Variants in TLN2 observed in about 807,000 individuals in gnomAD.
TLN2 encodes talin-2.
TLN2 carries 118 observed loss-of-function variants against 294.7 expected under a neutral mutation model. That is an observed-to-expected ratio of 0.40 (90% CI 0.34 to 0.47). The LOEUF (loss-of-function observed/expected upper bound fraction) is 0.47. Ranked by LOEUF, TLN2 falls within the 20% of genes least tolerant of loss-of-function variation. TLN2 has a pLI of 0.84. For missense variants in TLN2, 3,083 were observed against 3,282.2 expected (o/e 0.94, Z 1.48); for synonymous variants, 1,431 against 1,304.5 (o/e 1.10, Z -2.09).
In TLN2 at chr15:62,809,977, G is replaced by A. The variant is rs75413920; in HGVS notation, c.6716G>A (p.Arg2239His). The change falls in exon 52 of 59, where the codon CGT (arginine) becomes CAT (histidine). Residue 2239 changes from arginine to histidine, a missense_variant. By Grantham distance (29) the Arg-to-His change is conservative. Transcript: ENST00000636159. ...GACGAGGTGAGAACCAGAGCCTTGC[G>A]TTTCGGGACGGAGTGCACCCTTGGC... ...VSDEVRTRALRFGTECTLGYL... is the reference protein window; with the variant it reads ...VSDEVRTRALHFGTECTLGYL... 0.012 allele frequency: 18,621 copies of A among 1,614,056 alleles called. 141 individuals carry two copies. Among genetic ancestry groups the A allele is most frequent in the Non-Finnish European group, 0.013 (15,512 of 1,180,022 alleles).
At chr15:62,500,107 C>T (rs550412737) in intron 1 of TLN2, among the ~76,000 whole-genome samples, 34 of 151,964 alleles carry the variant, frequency 2.2e-4, no homozygotes, top group African/African-American at 7.0e-4. Flanking sequence ...GAGGCCAAGG[C>T]GGGCAGATCA....
At chr15:62,761,538 G>A in intron 37 of TLN2, 143 bp from the exon 38 acceptor site, 1 of 1,153,458 alleles carries the variant, frequency 8.7e-7, no homozygotes, top group East Asian at 2.4e-5. Flanking sequence ...TCTTTCATCA[G>A]TTCCTATTTA....
chr15:62,722,542 TG>T, intron 26 of TLN2, 55 bp downstream of exon 26: 1 of 1,565,874 alleles, frequency 6.4e-7, no homozygotes. Flanking sequence ...TGGGGTGGCA[TG>T]GGTACCACCC....
intron 15 of TLN2, 94 bp downstream of exon 15, chr15:62,697,962 C>A (rs1433605656): frequency 4.9e-6 from 7 of 1,442,760 alleles, no homozygotes; most frequent in Non-Finnish European, 6.5e-6. Flanking sequence ...AGTGTTGGAA[C>A]GCTCTCTATT....
At chr15:62,409,738 T>C (rs17271695) in intron 1 of TLN2, among the ~76,000 whole-genome samples, 15,498 of 152,220 alleles carry the variant, frequency 0.1, 914 homozygotes, top group Non-Finnish European at 0.13. Flanking sequence ...ATTTCAAAAA[T>C]TGGTAAATGC....
At chr15:62,426,324 T>C (rs970665298) in intron 1 of TLN2, among the ~76,000 whole-genome samples, 11 of 152,212 alleles carry the variant, frequency 7.2e-5, no homozygotes, top group Non-Finnish European at 1.5e-4. Context: ...AGGCATTTAT[T>C]AGGCCCTATA....
At chr15:62,593,311 GTTC>G (rs1366470375) in intron 2 of TLN2, among the ~76,000 whole-genome samples, 2 of 152,228 alleles carry the variant, frequency 1.3e-5, no homozygotes, top group Admixed American at 1.3e-4. Context: ...GTGACTGAGA[GTTC>G]TTCTTAGCAC....
chr15:62,562,790 A>G (rs998311688), intron 1 of TLN2, among the ~76,000 whole-genome samples: 4 of 151,972 alleles, frequency 2.6e-5, no homozygotes, highest in Admixed American at 6.6e-5. Flanking sequence ...GTGAGAATAT[A>G]TGATGTTTGG....
At chr15:62,515,310 T>C (rs2040134074) in intron 1 of TLN2, among the ~76,000 whole-genome samples, 1 of 152,212 alleles carries the variant, frequency 6.6e-6, no homozygotes, top group Non-Finnish European at 1.5e-5. Context: ...GGTTTGTTCA[T>C]TTTTATTGCT....
intron 1 of TLN2, among the ~76,000 whole-genome samples, chr15:62,527,146 T>C (rs2040784558): frequency 6.6e-6 from 1 of 152,100 alleles, no homozygotes; most frequent in East Asian, 1.9e-4. Context: ...AGGTGAGGAG[T>C]GCATACCATA....
intron 45 of TLN2, among the ~76,000 whole-genome samples, chr15:62,791,687 A>G (rs141195751): frequency 2.0e-5 from 3 of 152,358 alleles, no homozygotes; most frequent in Admixed American, 6.5e-5. Context: ...AATAAAAGCC[A>G]TAGCTTCTAG....
At chr15:62,578,487 A>C (rs1481750150) in intron 1 of TLN2, among the ~76,000 whole-genome samples, 1 of 152,164 alleles carries the variant, frequency 6.6e-6, no homozygotes, top group African/African-American at 2.4e-5. Flanking sequence ...GAATCACTTG[A>C]ACCCGGGAGG....
rs566694318 is a variant in TLN2, at chr15:62,697,753, C to T, written c.1358C>T (p.Pro453Leu). 1.7e-5 allele frequency: 28 copies of T among 1,611,898 alleles called. No individual in the cohort carries two copies. Among genetic ancestry groups the T allele is most frequent in the Middle Eastern group, 1.6e-4 (1 of 6,078 alleles). Residue 453 changes from proline to leucine, a missense_variant, in exon 15 of 59, where the codon CCG becomes CTG. Coordinates refer to ENST00000636159, the MANE Select transcript of TLN2 (RefSeq NM_015059.3). The part of the protein sequence containing the change: ...GKAEHGSVAL[P>L]AVMRSGSSGP... The stretch of plus-strand genomic sequence containing the variant: ...GCAGAGCACGGCTCAGTGGCGCTGC[C>T]GGCCGTGATGCGCTCGGGCTCCAGC...
intron 1 of TLN2, among the ~76,000 whole-genome samples, chr15:62,438,692 C>T (rs1227974637): frequency 6.6e-6 from 1 of 152,104 alleles, no homozygotes; most frequent in East Asian, 1.9e-4. Flanking sequence ...CATATAAAAC[C>T]CCTGGAACAA....
chr15:62,752,835 T>C (rs1283816282), intron 35 of TLN2, among the ~76,000 whole-genome samples: 1 of 152,246 alleles, frequency 6.6e-6, no homozygotes, highest in Non-Finnish European at 1.5e-5. Context: ...GATGCCATCA[T>C]GCAGAGACAT....
chr15:62,556,399 T>C (rs569791392), intron 1 of TLN2, among the ~76,000 whole-genome samples: 133 of 152,200 alleles, frequency 8.7e-4, no homozygotes, highest in African/African-American at 3.0e-3. Flanking sequence ...CTCAACCTTC[T>C]GGGCTTGGGT....
chr15:62,539,344 T>C (rs147615143), intron 1 of TLN2, among the ~76,000 whole-genome samples: 3 of 152,274 alleles, frequency 2.0e-5, no homozygotes, highest in Non-Finnish European at 4.4e-5. Flanking sequence ...CTTGGCTCGC[T>C]GTGCTGTGAA....
chr15:62,579,962 G>A (rs1229974873), intron 1 of TLN2, among the ~76,000 whole-genome samples: 1 of 152,128 alleles, frequency 6.6e-6, no homozygotes, highest in Non-Finnish European at 1.5e-5. Context: ...CAACCCGAGT[G>A]CTCTGATACA....
At position 62,755,502 on chromosome 15, in the gene TLN2, G is replaced by A. The variant is rs941458809; in HGVS notation, c.4477-30G>A. On this transcript the variant is annotated intron_variant, in intron 36 of 58. Coordinates refer to ENST00000636159, the MANE Select transcript of TLN2 (RefSeq NM_015059.3). ...GGACCCCTCTGCACTGTAGCATGGGGTACCCCCAACCTAGCTCCATGCTTT... is the reference window on the plus strand; with the variant it reads ...GGACCCCTCTGCACTGTAGCATGGGATACCCCCAACCTAGCTCCATGCTTT... The A allele has an allele frequency of 5.0e-6, 8 of 1,610,866 alleles. No homozygotes were observed. The African/African-American group carries it at 9.3e-5, about 19-fold the overall frequency.
Sources: allele counts gnomAD v4.1 joint callset (sites outside exome capture counted in the v4.1 genomes callset), GRCh38; gene constraint gnomAD v4.1.1; transcripts MANE v1.5; gene names NCBI Gene and HGNC (gene_info 2026-07-23, HGNC 2026-07-21).